Variants in SH2B3 observed in about 807,000 individuals in gnomAD.
SH2B3 encodes the protein SH2B adaptor protein 3.
In SH2B3, 43 loss-of-function variants were observed where a neutral mutation model predicts 51.9. The ratio of observed to expected loss-of-function variants is 0.83; its 90% CI spans 0.65 to 1.07. The LOEUF (loss-of-function observed/expected upper bound fraction) is 1.07, where lower values mean the gene tolerates loss of function less well. Among genes scored for constraint, SH2B3 ranks in the 50% least tolerant of loss-of-function variants. SH2B3 has a pLI of 0.00. For synonymous variants in SH2B3, 396 were observed against 376.0 expected (o/e 1.05, Z -0.62); for missense variants, 952 against 834.3 (o/e 1.14, Z -1.74).
rs1229660445 is a variant in SH2B3 at position 111,435,384 on chromosome 12, A to G, written c.733-11369A>G. ...CACTGGTGTTTTTTTTGTTTTTGAG[A>G]GGGCATCTTGAAGTAGCCCAAGCTG... On this transcript the variant is annotated intron_variant, in intron 2 of 7. Coordinates refer to ENST00000341259, the MANE Select transcript of SH2B3 (RefSeq NM_005475.3). The surrounding 1 kb of genome is among the most constrained non-coding windows in gnomAD (Gnocchi z 4.8). 6.6e-6 allele frequency among the ~76,000 whole-genome samples: 1 copy of G among 152,012 alleles called. No homozygotes were observed. Among genetic ancestry groups the G allele is most frequent in the Non-Finnish European group, 1.5e-5 (1 of 68,002 alleles).
intron 2 of SH2B3, among the ~76,000 whole-genome samples, chr12:111,432,637 G>A (rs1158159952): frequency 6.6e-6 from 1 of 152,112 alleles, no homozygotes; most frequent in Non-Finnish European, 1.5e-5. Flanking sequence ...CATCAAAAAA[G>A]GAAACCTTGT....
rs1313334335 is a variant in SH2B3 at position 111,447,933 on chromosome 12, G to C, written c.1409-50G>C. ...AGGTATCTTGTTCTGTGTCCTGTCA[G>C]CACTTGCCTCAAGACTGATGGTGTG... On this transcript the variant is annotated intron_variant, in intron 7 of 7. Coordinates refer to ENST00000341259, the MANE Select transcript of SH2B3 (RefSeq NM_005475.3). The C allele has an allele frequency of 1.9e-6, 3 of 1,552,362 alleles. No individual in the cohort carries two copies. The East Asian group carries it at 6.8e-5, about 35-fold the overall frequency.
At position 111,418,933 on chromosome 12, in the gene SH2B3, C is replaced by G. The variant is rs755940454; in HGVS notation, c.732+56C>G. On this transcript the variant is annotated intron_variant, in intron 2 of 7. Coordinates refer to ENST00000341259, the MANE Select transcript of SH2B3 (RefSeq NM_005475.3). The surrounding 1 kb of genome is among the most constrained non-coding windows in gnomAD (Gnocchi z 6.7). ...CTGCACTGCGCCCTTCGCCTTCACC[C>G]TGGGGAGAGCGCGGGCTGGGGAGGT... 8 of 1,348,762 alleles carry G rather than the reference C, an allele frequency of 5.9e-6. No homozygotes were observed. The highest frequency in any genetic ancestry group is 6.6e-6 in the Non-Finnish European group (7 of 1,054,836). 83.5% of individuals were successfully genotyped at this position (1,348,762 alleles called of 1,614,324 possible).
At position 111,448,109 on chromosome 12, in the gene SH2B3, C is replaced by G. The variant is rs775500033; in HGVS notation, c.1535C>G (p.Pro512Arg). 2 of 1,614,102 alleles carry G rather than the reference C, an allele frequency of 1.2e-6. No individual in the cohort carries two copies. The highest frequency in any genetic ancestry group is 1.7e-6 in the Non-Finnish European group (2 of 1,180,008). Residue 512 changes from proline to arginine, a missense_variant, in exon 8 of 8, where the codon CCA (proline) becomes CGA (arginine). By Grantham distance (103) the Pro-to-Arg change is moderately radical. Transcript: ENST00000341259. The part of the protein sequence containing the change: ...SSSGCPRGLS[P>R]EGLPGRSSPP... ...TCTGGCTGTCCCCGGGGGCTCAGCCCAGAGGGTCTCCCAGGGCGATCCTCA... is the reference window on the plus strand; with the variant it reads ...TCTGGCTGTCCCCGGGGGCTCAGCCGAGAGGGTCTCCCAGGGCGATCCTCA...
intron 2 of SH2B3, among the ~76,000 whole-genome samples, chr12:111,420,283 G>T (rs141305112): frequency 6.8e-6 from 1 of 146,158 alleles, no homozygotes; most frequent in Admixed American, 7.1e-5. Flanking sequence ...TGGGAAGATC[G>T]CTTGAGCCCA....
rs1439656211 is a variant in SH2B3 at position 111,418,085 on chromosome 12, C to T, written c.-27-34C>T. The T allele has an allele frequency of 4.1e-6, 6 of 1,464,106 alleles. No individual in the cohort carries two copies. The highest frequency in any genetic ancestry group is 5.4e-6 in the Non-Finnish European group (6 of 1,116,328). 90.7% of individuals were successfully genotyped at this position (1,464,106 alleles called of 1,614,324 possible). A position where few individuals can be genotyped will look rare whatever the true frequency, so the allele number is the denominator to read the frequency against. ...CTACACCTGCTTGCCCACCTGCTTACTCCTTGTCGCCCCCCCACCCACGTG... is the reference window on the plus strand; with the variant it reads ...CTACACCTGCTTGCCCACCTGCTTATTCCTTGTCGCCCCCCCACCCACGTG... On this transcript the variant is annotated intron_variant, in intron 1 of 7. Coordinates refer to ENST00000341259, the MANE Select transcript of SH2B3 (RefSeq NM_005475.3). This position sits in a 1 kb window ranked among gnomAD's most constrained non-coding sequence, Gnocchi z 6.7.
chr12:111,448,576 T>G lies in SH2B3; in HGVS notation c.*274T>G. 2.4e-6 allele frequency: 1 copy of G among 418,896 alleles called. No individual in the cohort carries two copies. The highest frequency in any genetic ancestry group is 4.3e-6 in the Non-Finnish European group (1 of 232,720). The allele number at this position is 418,896 out of a possible 1,614,324, so 25.9% of individuals were successfully genotyped here. A position where few individuals can be genotyped will look rare whatever the true frequency, so the allele number is the denominator to read the frequency against. Reference sequence around the variant, plus strand: ...TCCTGCCCGGGGTCCCTATGCCCAGTCCCCGTTACTCTTAGAGAAAGGAGT... The same window carrying G: ...TCCTGCCCGGGGTCCCTATGCCCAGGCCCCGTTACTCTTAGAGAAAGGAGT... On this transcript the variant is annotated 3_prime_UTR_variant, in exon 8 of 8. Transcript: ENST00000341259.
upstream of SH2B3, among the ~76,000 whole-genome samples, chr12:111,404,855 G>C (rs978359369): frequency 6.6e-6 from 1 of 152,274 alleles, no homozygotes; most frequent in African/African-American, 2.4e-5. Context: ...AGGAAGTGGA[G>C]AGGTACGGAG....
intron 2 of SH2B3, among the ~76,000 whole-genome samples, chr12:111,423,068 C>G (rs751746952): frequency 5.9e-5 from 9 of 152,104 alleles, no homozygotes; most frequent in Non-Finnish European, 1.2e-4. Flanking sequence ...TGGGCAGAGA[C>G]CCTGAGTGGG....
chr12:111,442,177 C>T (rs1873477216), intron 2 of SH2B3, among the ~76,000 whole-genome samples: 1 of 152,204 alleles, frequency 6.6e-6, no homozygotes, highest in Admixed American at 6.5e-5. Flanking sequence ...AGGGATCAGC[C>T]ATCCAGGACA....
At position 111,447,396 on chromosome 12, in the gene SH2B3, C is replaced by T; in HGVS notation, c.1088C>T (p.Pro363Leu). 1 of 1,614,156 alleles carries T rather than the reference C, an allele frequency of 6.2e-7. No individual in the cohort carries two copies. Among genetic ancestry groups the T allele is most frequent in the Non-Finnish European group, 8.5e-7 (1 of 1,180,012 alleles). The change falls in exon 6 of 8, where the codon CCC becomes CTC. Residue 363 changes from proline to leucine, a missense_variant. By Grantham distance (98) the Pro-to-Leu change is moderately conservative. Coordinates refer to ENST00000341259, the MANE Select transcript of SH2B3 (RefSeq NM_005475.3). The stretch of plus-strand genomic sequence containing the variant: ...ACGGACCATTTCCTGTCCTGCTACC[C>T]CTGGTTCCACGGCCCCATCTCCAGA... ...QKTDHFLSCYPWFHGPISRVK... is the reference protein window; with the variant it reads ...QKTDHFLSCYLWFHGPISRVK...
At chr12:111,446,121 G>A (rs1873930917) in intron 2 of SH2B3, among the ~76,000 whole-genome samples, 1 of 152,230 alleles carries the variant, frequency 6.6e-6, no homozygotes, top group African/African-American at 2.4e-5. Context: ...ATCACAAGAG[G>A]AAGGGGAGGG....
chr12:111,449,579 C>T lies in SH2B3; in HGVS notation c.*1277C>T, dbSNP rs1445080910. ...CAAATCTCTATCTATACAAGTGATA[C>T]AATTCATAGGGGGCTGGCTCCTCCC... On this transcript the variant is annotated 3_prime_UTR_variant, in exon 8 of 8. Coordinates refer to ENST00000341259, the MANE Select transcript of SH2B3 (RefSeq NM_005475.3). The T allele has an allele frequency of 6.6e-6, 1 of 152,262 alleles. No individual in the cohort carries two copies. Among genetic ancestry groups the T allele is most frequent in the East Asian group, 1.9e-4 (1 of 5,206 alleles). The allele number at this position is 152,262 out of a possible 1,614,324, so 9.4% of individuals were successfully genotyped here. A position where few individuals can be genotyped will look rare whatever the true frequency, so the allele number is the denominator to read the frequency against.
chr12:111,418,475 C>A lies in SH2B3; in HGVS notation c.330C>A (p.Pro110=). 1 of 1,359,714 alleles carries A rather than the reference C, an allele frequency of 7.4e-7. No individual in the cohort carries two copies. The highest frequency in any genetic ancestry group is 1.6e-5 in the South Asian group (1 of 63,370). The allele number at this position is 1,359,714 out of a possible 1,614,324, so 84.2% of individuals were successfully genotyped here. A position where few individuals can be genotyped will look rare whatever the true frequency, so the allele number is the denominator to read the frequency against. Residue 110 remains proline, a synonymous_variant, in exon 2 of 8, where the codon CCC becomes CCA. Transcript: ENST00000341259. The surrounding 1 kb of genome is among the most constrained non-coding windows in gnomAD (Gnocchi z 6.7). ...AEASPEPGPG[P]AAPGLPKARS... ...CGTCCCCGGAGCCAGGCCCCGGCCCCGCCGCCCCTGGCCTGCCCAAGGCCC... is the reference window on the plus strand; with the variant it reads ...CGTCCCCGGAGCCAGGCCCCGGCCCAGCCGCCCCTGGCCTGCCCAAGGCCC...
At chr12:111,405,037 G>C (rs1472976198), upstream of SH2B3, among the ~76,000 whole-genome samples, 2 of 152,170 alleles carry the variant, frequency 1.3e-5, no homozygotes, top group African/African-American at 4.8e-5. The surrounding 1 kb of genome is among the most constrained non-coding windows in gnomAD (Gnocchi z 5.4). Context: ...CACATGTTGG[G>C]GGAGAGGCTG....
intron 2 of SH2B3, chr12:111,444,733 C>T (rs1018724557): frequency 1.0e-6 from 1 of 985,662 alleles, no homozygotes. Flanking sequence ...TGGTCCTTCC[C>T]TGCAGTGGCC....
chr12:111,448,467 G>A lies in SH2B3; in HGVS notation c.*165G>A. 1 of 611,100 alleles carries A rather than the reference G, an allele frequency of 1.6e-6. No homozygotes were observed. Among genetic ancestry groups the A allele is most frequent in the East Asian group, 2.8e-5 (1 of 36,054 alleles). 37.9% of individuals were successfully genotyped at this position (611,100 alleles called of 1,614,324 possible). ...TGACCCTTCTATTAGGCCTGTTGAA[G>A]GGCCCTCCTGTAGGTTTCATCTATC... On this transcript the variant is annotated 3_prime_UTR_variant, in exon 8 of 8. Coordinates refer to ENST00000341259, the MANE Select transcript of SH2B3 (RefSeq NM_005475.3).
Position 111,451,397 on chromosome 12 carries a change from G to A in SH2B3, c.*3095G>A, listed in dbSNP as rs751078293. Reference sequence around the variant, plus strand: ...TCTCCCACAAGCTAGAGGAACTTGCGAGTATATTAACAAGGACACATCTGA... The same window carrying A: ...TCTCCCACAAGCTAGAGGAACTTGCAAGTATATTAACAAGGACACATCTGA... On this transcript the variant is annotated 3_prime_UTR_variant, in exon 8 of 8. Transcript: ENST00000341259. The A allele has an allele frequency of 6.6e-6, 1 of 152,578 alleles. No homozygotes were observed. The highest frequency in any genetic ancestry group is 1.5e-5 in the Non-Finnish European group (1 of 68,018). 9.5% of individuals were successfully genotyped at this position (152,578 alleles called of 1,614,324 possible).
chr12:111,437,028 C>T (rs1055963053), intron 2 of SH2B3, among the ~76,000 whole-genome samples: 2 of 152,046 alleles, frequency 1.3e-5, no homozygotes, highest in African/African-American at 2.4e-5. Flanking sequence ...TGACTCTGAA[C>T]AGGGATTCTG....
Sources: allele counts gnomAD v4.1 joint callset (sites outside exome capture counted in the v4.1 genomes callset), GRCh38; gene constraint gnomAD v4.1.1; non-coding constraint Gnocchi (gnomAD v3.1); transcripts MANE v1.5; gene names NCBI Gene and HGNC (gene_info 2026-07-23, HGNC 2026-07-21).